The following HECW1 variants were observed in gnomAD, a reference collection of about 807,000 sequenced individuals.
The protein encoded by HECW1 is HECT, C2 and WW domain containing E3 ubiquitin protein ligase 1.
Under a neutral mutation model 182.3 loss-of-function variants are expected in HECW1, and 61 were observed. That is an observed-to-expected ratio of 0.33 (90% CI 0.27 to 0.41). The LOEUF is 0.41. HECW1 is among the 10% of genes least tolerant of loss of function. The pLI is 1.00. For synonymous variants in HECW1, 859 were observed against 832.6 expected (o/e 1.03, Z -0.55); for missense variants, 1,739 against 2,108.9 (o/e 0.82, Z 3.44).
At chr7:43,324,254 A>G (rs1008089117) in intron 5 of HECW1, among the ~76,000 whole-genome samples, 2 of 152,252 alleles carry the variant, frequency 1.3e-5, no homozygotes, top group African/African-American at 2.4e-5. Context: ...AAACTAATGT[A>G]GTATAATTTG....
chr7:43,361,817 T>C lies in HECW1; in HGVS notation c.555+837T>C, dbSNP rs79039939. Among the ~76,000 whole-genome samples the C allele has an allele frequency of 6.2e-3, 392 of 63,402 alleles. 3 individuals are homozygous for C. Among genetic ancestry groups the C allele is most frequent in the African/African-American group, 0.052 (277 of 5,346 alleles). The allele number at this position is 63,402 out of a possible 152,430, so 41.6% of individuals were successfully genotyped here. A position where few individuals can be genotyped will look rare whatever the true frequency, so the allele number is the denominator to read the frequency against. On this transcript the variant is annotated intron_variant, in intron 6 of 29. Transcript: ENST00000395891. The stretch of plus-strand genomic sequence containing the variant: ...AGTGGAAATAAAAAAGACTCTCTCT[T>C]TTTTTTTTTTTTTTTTTTTTTTTTA...
intron 3 of HECW1, among the ~76,000 whole-genome samples, chr7:43,306,912 C>T (rs1807643912): frequency 6.6e-6 from 1 of 151,966 alleles, no homozygotes; most frequent in Admixed American, 6.6e-5. Flanking sequence ...TATCTTAAAA[C>T]ATATTAAACC....
At chr7:43,372,208 G>A (rs186653858) in intron 6 of HECW1, among the ~76,000 whole-genome samples, 1 of 152,116 alleles carries the variant, frequency 6.6e-6, no homozygotes, top group Non-Finnish European at 1.5e-5. Flanking sequence ...TTAATAGTTA[G>A]AAAAATTATT....
chr7:43,273,208 A>G (rs1802635806), intron 3 of HECW1, among the ~76,000 whole-genome samples: 1 of 152,152 alleles, frequency 6.6e-6, no homozygotes. Context: ...TTGAAAAACT[A>G]ATTGCTGGGT....
At chr7:43,362,441 T>A (rs1816083039) in intron 6 of HECW1, among the ~76,000 whole-genome samples, 1 of 152,186 alleles carries the variant, frequency 6.6e-6, no homozygotes, top group South Asian at 2.1e-4. Context: ...ACGGCTTCGC[T>A]GTTTTTCCCT....
chr7:43,198,272 C>CCACACT lies in HECW1; in HGVS notation c.-31-45597_-31-45592dup, dbSNP rs1562662571. Among the ~76,000 whole-genome samples, 332 of 149,694 alleles carry CCACACT rather than the reference C, an allele frequency of 2.2e-3. 1 individual carries two copies. Among genetic ancestry groups the CCACACT allele is most frequent in the African/African-American group, 7.8e-3 (316 of 40,590 alleles). On this transcript the variant is annotated intron_variant, in intron 2 of 29. Coordinates refer to ENST00000395891, the MANE Select transcript of HECW1 (RefSeq NM_015052.5). The stretch of plus-strand genomic sequence containing the variant: ...TCTCACACACCCACTCACACACACC[C>CCACACT]CACACTCACACACCACACACATTCG...
At chr7:43,549,567 A>G (rs1431233992) in intron 26 of HECW1, among the ~76,000 whole-genome samples, 1 of 152,232 alleles carries the variant, frequency 6.6e-6, no homozygotes, top group Non-Finnish European at 1.5e-5. Context: ...AAAAATGTCT[A>G]GCATGTTATC....
At chr7:43,303,801 C>T (rs1807172694) in intron 3 of HECW1, among the ~76,000 whole-genome samples, 1 of 151,950 alleles carries the variant, frequency 6.6e-6, no homozygotes, top group African/African-American at 2.4e-5. Flanking sequence ...CAGCCACCTC[C>T]CACTCTCCTC....
chr7:43,438,214 T>C (rs2076770117), intron 9 of HECW1, 69 bp downstream of exon 9: 4 of 1,318,710 alleles, frequency 3.0e-6, no homozygotes, highest in East Asian at 4.7e-5. Flanking sequence ...AGGTGGCCTG[T>C]AGGCTGCAAT....
chr7:43,463,291 A>C (rs2077650232), intron 13 of HECW1, among the ~76,000 whole-genome samples: 1 of 152,226 alleles, frequency 6.6e-6, no homozygotes, highest in African/African-American at 2.4e-5. Context: ...TATTACAATA[A>C]TGTTGAGGTA....
chr7:43,347,498 C>T (rs745526456), intron 5 of HECW1, among the ~76,000 whole-genome samples: 5 of 151,826 alleles, frequency 3.3e-5, no homozygotes, highest in Non-Finnish European at 5.9e-5. Context: ...CTCTTTACTG[C>T]TTTGGATGCC....
chr7:43,409,268 G>T (rs60407159), intron 8 of HECW1, among the ~76,000 whole-genome samples: 1 of 152,178 alleles, frequency 6.6e-6, no homozygotes, highest in Non-Finnish European at 1.5e-5. Context: ...TGATAGCACC[G>T]CTAGAATGGA....
intron 16 of HECW1, among the ~76,000 whole-genome samples, chr7:43,476,313 C>G (rs2078218278): frequency 6.6e-6 from 1 of 152,048 alleles, no homozygotes; most frequent in Admixed American, 6.6e-5. Flanking sequence ...ATTATCTTAA[C>G]CAGAAATATG....
At chr7:43,342,510 C>T (rs1405560689) in intron 5 of HECW1, among the ~76,000 whole-genome samples, 1 of 151,788 alleles carries the variant, frequency 6.6e-6, no homozygotes, top group East Asian at 1.9e-4. Flanking sequence ...ACTCTTCAGA[C>T]TCAATTTATA....
chr7:43,474,294 A>G (rs1008119653), intron 16 of HECW1, among the ~76,000 whole-genome samples: 2 of 151,856 alleles, frequency 1.3e-5, no homozygotes, highest in Non-Finnish European at 2.9e-5. Flanking sequence ...CTAAAAATAC[A>G]AAAAATTAGC....
intron 4 of HECW1, among the ~76,000 whole-genome samples, chr7:43,319,127 C>T (rs1055319506): frequency 2.0e-5 from 3 of 152,186 alleles, no homozygotes; most frequent in African/African-American, 4.8e-5. Flanking sequence ...GTGGCTCACG[C>T]CTGTAATCCC....
intron 2 of HECW1, among the ~76,000 whole-genome samples, chr7:43,221,393 TTGAAA>T (rs1796931322): frequency 6.6e-6 from 1 of 152,026 alleles, no homozygotes; most frequent in Admixed American, 6.6e-5. Flanking sequence ...GAGAAGATAA[TTGAAA>T]TGAAGCCTAT....
intron 17 of HECW1, among the ~76,000 whole-genome samples, chr7:43,489,172 G>A (rs977139553): frequency 1.3e-5 from 2 of 152,182 alleles, no homozygotes; most frequent in East Asian, 1.9e-4. Flanking sequence ...CCCGAGCTCA[G>A]CCAGCAGATC....
chr7:43,501,372 C>A, intron 21 of HECW1, 50 bp downstream of exon 21: 1 of 1,033,960 alleles, frequency 9.7e-7, no homozygotes, highest in Non-Finnish European at 1.5e-6. Context: ...ACGTGTGTTT[C>A]CTCCAGTGAA....
Sources: allele counts gnomAD v4.1 joint callset (sites outside exome capture counted in the v4.1 genomes callset), GRCh38; gene constraint gnomAD v4.1.1; transcripts MANE v1.5; gene names NCBI Gene and HGNC (gene_info 2026-07-23, HGNC 2026-07-21).